POT1: variants seen among roughly 807,000 people sequenced by gnomAD.
The protein encoded by POT1 is protection of telomeres protein 1.
A neutral mutation model predicts 78.5 loss-of-function variants in POT1; 47 were observed. The observed-to-expected ratio is 0.60, with a 90% CI of 0.47 to 0.76. The LOEUF is 0.76. Ranked by LOEUF, POT1 falls within the 30% of genes least tolerant of loss-of-function variation. The probability of loss-of-function intolerance (pLI) is 0.00; values close to 1 mark genes in which losing one functional copy is unlikely to be tolerated. For synonymous variants in POT1, 259 were observed against 260.7 expected, an observed-to-expected ratio of 0.99 and a Z score of 0.06; for missense variants, 646 against 749.9, an observed-to-expected ratio of 0.86 and a Z score of 1.62.
intron 17 of POT1, 105 bp from the exon 18 acceptor site, chr7:124,825,462 A>AC: frequency 1.6e-6 from 1 of 635,990 alleles, no homozygotes; most frequent in Non-Finnish European, 2.5e-6. Flanking sequence ...GATAATCTAG[A>AC]CAGTTTCCCT....
At chr7:124,902,349 A>G (rs1796642904) in intron 3 of POT1, among the ~76,000 whole-genome samples, 2 of 152,234 alleles carry the variant, frequency 1.3e-5, no homozygotes, top group Non-Finnish European at 2.9e-5. Context: ...TCTACAAGCC[A>G]GAAGAGAGTT....
chr7:124,824,743 G>A (rs1584746054), intron 18 of POT1, among the ~76,000 whole-genome samples: 1 of 152,138 alleles, frequency 6.6e-6, no homozygotes, highest in East Asian at 1.9e-4. Context: ...AGTGGCAGCA[G>A]GTATAAGCAG....
chr7:124,846,889 G>T, intron 12 of POT1, 53 bp downstream of exon 12: 2 of 1,290,832 alleles, frequency 1.5e-6, no homozygotes, highest in South Asian at 1.2e-5. Context: ...TGTAGAGGCA[G>T]ACTTTATTAT....
chr7:124,860,126 A>G (rs1412822395), intron 8 of POT1, among the ~76,000 whole-genome samples: 2 of 152,010 alleles, frequency 1.3e-5, no homozygotes, highest in African/African-American at 2.4e-5. Context: ...CTGATACATA[A>G]GAAAATCACT....
intron 6 of POT1, among the ~76,000 whole-genome samples, chr7:124,871,766 A>T (rs931555118): frequency 6.6e-6 from 1 of 150,740 alleles, no homozygotes; most frequent in Non-Finnish European, 1.5e-5. Flanking sequence ...CATATAAAAG[A>T]TTGTATGTAT....
intron 4 of POT1, among the ~76,000 whole-genome samples, chr7:124,897,749 A>G (rs972343562): frequency 7.9e-5 from 12 of 151,938 alleles, no homozygotes; most frequent in Non-Finnish European, 1.5e-4. Context: ...TACTAGAAAA[A>G]AAAAGGCAGA....
At chr7:124,834,808 A>G (rs545611248) in intron 15 of POT1, among the ~76,000 whole-genome samples, 25 of 152,206 alleles carry the variant, frequency 1.6e-4, no homozygotes, top group Non-Finnish European at 3.1e-4. Context: ...CGTTTATTGC[A>G]GCACTATTCA....
chr7:124,845,602 A>G (rs998334334), intron 12 of POT1, among the ~76,000 whole-genome samples: 1 of 152,216 alleles, frequency 6.6e-6, no homozygotes, highest in Non-Finnish European at 1.5e-5. Flanking sequence ...GTATTTAACA[A>G]GAATATACTA....
chr7:124,827,313 A>C lies in POT1; in HGVS notation c.1595-8T>G, dbSNP rs1794655230. Reference sequence around the variant, plus strand: ...GGGGTACAATACCCAGTGCTAGTGAAGGAAAAAAAGATCAAACCATATGAG... The same window carrying C: ...GGGGTACAATACCCAGTGCTAGTGACGGAAAAAAAGATCAAACCATATGAG... On this transcript the variant is annotated splice_polypyrimidine_tract_variant and splice_region_variant and intron_variant, in intron 16 of 18. Transcript: ENST00000357628. 1 of 1,513,340 alleles carries C rather than the reference A, an allele frequency of 6.6e-7. No individual in the cohort carries two copies. The highest frequency in any genetic ancestry group is 1.2e-5 in the South Asian group (1 of 82,152). 93.7% of individuals were successfully genotyped at this position (1,513,340 alleles called of 1,614,324 possible).
intron 15 of POT1, among the ~76,000 whole-genome samples, chr7:124,832,607 G>C (rs575690820): frequency 6.6e-6 from 1 of 152,158 alleles, no homozygotes; most frequent in South Asian, 2.1e-4. Context: ...CTAAGGTCAG[G>C]AGGTCAAAAC....
At chr7:124,826,330 TTTCA>T (rs952979229) in intron 17 of POT1, among the ~76,000 whole-genome samples, 1 of 152,174 alleles carries the variant, frequency 6.6e-6, no homozygotes, top group Non-Finnish European at 1.5e-5. Context: ...TATACATCTC[TTTCA>T]TTATCTGATT....
intron 14 of POT1, among the ~76,000 whole-genome samples, chr7:124,836,374 A>G (rs1794900934): frequency 6.6e-6 from 1 of 152,164 alleles, no homozygotes; most frequent in African/African-American, 2.4e-5. Context: ...GAGTTCTGCT[A>G]TATCATATTG....
In POT1 at chr7:124,827,200, C is replaced by A; in HGVS notation, c.1686+14G>T. Reference sequence around the variant, plus strand: ...TTTTTAATTAAAAATATCTTTATTACCTCTGATACTTACAGAATCCATGAG... The same window carrying A: ...TTTTTAATTAAAAATATCTTTATTAACTCTGATACTTACAGAATCCATGAG... On this transcript the variant is annotated intron_variant, in intron 17 of 18. Transcript: ENST00000357628. 1 of 1,374,490 alleles carries A rather than the reference C, an allele frequency of 7.3e-7. No homozygotes were observed. Among genetic ancestry groups the A allele is most frequent in the Admixed American group, 2.1e-5 (1 of 47,446 alleles). The allele number at this position is 1,374,490 out of a possible 1,614,324, so 85.1% of individuals were successfully genotyped here.
chr7:124,832,715 G>A (rs181463781), intron 15 of POT1, among the ~76,000 whole-genome samples: 2 of 151,888 alleles, frequency 1.3e-5, no homozygotes, highest in African/African-American at 2.4e-5. Flanking sequence ...CTACTCGGCG[G>A]GGGGGTTGAG....
chr7:124,903,599 A>G (rs578040457), intron 3 of POT1, among the ~76,000 whole-genome samples: 1 of 152,220 alleles, frequency 6.6e-6, no homozygotes, highest in East Asian at 1.9e-4. Context: ...ACACCCTAAC[A>G]TCACAATTAA....
At chr7:124,889,062 C>A (rs879906786) in intron 6 of POT1, among the ~76,000 whole-genome samples, 15 of 151,930 alleles carry the variant, frequency 9.9e-5, no homozygotes, top group Non-Finnish European at 2.2e-4. Context: ...ATATCCAAAG[C>A]TGAGATACAC....
At chr7:124,911,180 C>G (rs372621349) in intron 3 of POT1, among the ~76,000 whole-genome samples, 17 of 152,162 alleles carry the variant, frequency 1.1e-4, no homozygotes, top group African/African-American at 4.1e-4. Flanking sequence ...GTCTTGCCTT[C>G]AAGAGGAAGA....
intron 8 of POT1, among the ~76,000 whole-genome samples, chr7:124,860,201 C>T (rs1389710903): frequency 6.6e-6 from 1 of 151,802 alleles, no homozygotes; most frequent in East Asian, 1.9e-4. Flanking sequence ...GCTTTATAGG[C>T]CTCCCAATAT....
chr7:124,928,780 T>C (rs1797337782), intron 2 of POT1, 35 bp downstream of exon 2: 1 of 152,750 alleles, frequency 6.5e-6, no homozygotes, highest in African/African-American at 2.4e-5. Context: ...TTCCTTTTAG[T>C]AGGAAAAAGC....
Sources: gnomAD v4.1 joint callset for allele counts (sites outside exome capture counted in the v4.1 genomes callset) on GRCh38, gnomAD v4.1.1 for gene constraint, MANE v1.5 for transcripts, NCBI Gene and HGNC (gene_info 2026-07-23, HGNC 2026-07-21) for gene names.